Variants in PPARGC1A observed in about 807,000 individuals in gnomAD.
PPARGC1A encodes the protein PPARG coactivator 1 alpha.
Under a neutral mutation model 88.7 loss-of-function variants are expected in PPARGC1A, and 25 were observed. The ratio of observed to expected loss-of-function variants is 0.28; its 90% CI spans 0.21 to 0.39. The LOEUF (loss-of-function observed/expected upper bound fraction) is 0.39. Among genes scored for constraint, PPARGC1A ranks in the 10% least tolerant of loss-of-function variants. The pLI is 1.00. For missense variants in PPARGC1A, 880 were observed against 968.7 expected, an observed-to-expected ratio of 0.91 and a Z score of 1.22; for synonymous variants, 363 against 355.6, an observed-to-expected ratio of 1.02 and a Z score of -0.24.
the PPARGC1A span, among the ~76,000 whole-genome samples, chr4:24,159,206 C>CTTTTT: frequency 2.8e-4 from 31 of 109,852 alleles, no homozygotes; most frequent in Middle Eastern, 6.0e-3. Flanking sequence ...GGAAATTAAC[C>CTTTTT]TTTTTTTTTT....
chr4:24,008,487 G>T, the PPARGC1A span, among the ~76,000 whole-genome samples: 1 of 152,244 alleles, frequency 6.6e-6, no homozygotes, highest in Non-Finnish European at 1.5e-5. Flanking sequence ...AAGTCTCAGT[G>T]TAAAAATGCT....
chr4:24,130,744 G>C, the PPARGC1A span, among the ~76,000 whole-genome samples: 1 of 152,010 alleles, frequency 6.6e-6, no homozygotes, highest in South Asian at 2.1e-4. Flanking sequence ...CTAACATTTG[G>C]TGCTTCTATA....
the PPARGC1A span, among the ~76,000 whole-genome samples, chr4:24,448,558 C>T: frequency 1.3e-5 from 2 of 152,222 alleles, no homozygotes; most frequent in Non-Finnish European, 2.9e-5. Flanking sequence ...AAACTCCTCA[C>T]ATCACCCACA....
chr4:24,038,781 A>G, the PPARGC1A span, among the ~76,000 whole-genome samples: 1 of 152,128 alleles, frequency 6.6e-6, no homozygotes, highest in East Asian at 1.9e-4. Context: ...TTTAATTTCT[A>G]TTTAAACTTT....
At chr4:23,995,866 T>C in the PPARGC1A span, among the ~76,000 whole-genome samples, 1 of 152,206 alleles carries the variant, frequency 6.6e-6, no homozygotes, top group African/African-American at 2.4e-5. Context: ...TATATGTTCA[T>C]TGATTAGCTG....
chr4:24,430,832 T>C, the PPARGC1A span, among the ~76,000 whole-genome samples: 1 of 151,698 alleles, frequency 6.6e-6, no homozygotes, highest in Middle Eastern at 3.4e-3. Context: ...AGACAGAAAG[T>C]AGGGGCCGGG....
chr4:24,337,963 G>A, the PPARGC1A span, among the ~76,000 whole-genome samples: 228 of 152,216 alleles, frequency 1.5e-3, 1 homozygote, highest in African/African-American at 5.2e-3. Flanking sequence ...TCCTGCAGGG[G>A]TGGCTTTCCT....
At chr4:23,880,997 A>T (rs1406987011) in intron 2 of PPARGC1A, 1 of 152,208 alleles carries the variant, frequency 6.6e-6, no homozygotes. Flanking sequence ...GCAGGTGTTA[A>T]AATAAACCAG....
intron 1 of PPARGC1A, chr4:23,889,512 A>C (rs1717484015): frequency 1.2e-5 from 5 of 416,486 alleles, no homozygotes; most frequent in Non-Finnish European, 1.6e-5. Flanking sequence ...TAATATTTTT[A>C]TCTTCGTCTT....
chr4:23,880,134 C>A (rs1715630461), intron 2 of PPARGC1A: 1 of 152,162 alleles, frequency 6.6e-6, no homozygotes, highest in Non-Finnish European at 1.5e-5. Flanking sequence ...TATGTAGGTA[C>A]ATACACATAT....
At chr4:23,924,489 G>A in the PPARGC1A span, among the ~76,000 whole-genome samples, 2 of 152,072 alleles carry the variant, frequency 1.3e-5, no homozygotes, top group South Asian at 2.1e-4. Flanking sequence ...AGCTGGGCAT[G>A]GTGGTGCCTG....
At chr4:23,917,525 G>A in the PPARGC1A span, among the ~76,000 whole-genome samples, 15 of 150,584 alleles carry the variant, frequency 1.0e-4, no homozygotes, top group African/African-American at 2.4e-4. Flanking sequence ...GGGTTTCACC[G>A]TGTTAGCCAG....
the PPARGC1A span, among the ~76,000 whole-genome samples, chr4:24,373,011 G>A: frequency 6.6e-6 from 1 of 152,152 alleles, no homozygotes; most frequent in Non-Finnish European, 1.5e-5. Context: ...TCAGAGCTCT[G>A]ACTCCCTGCC....
chr4:24,266,971 T>C, the PPARGC1A span, among the ~76,000 whole-genome samples: 32,822 of 152,164 alleles, frequency 0.22, 4,801 homozygotes, highest in Non-Finnish European at 0.32. Flanking sequence ...TTTTTTCCCT[T>C]GTTCAACCAG....
At chr4:23,808,875 A>G (rs140408051) in intron 10 of PPARGC1A, among the ~76,000 whole-genome samples, 6 of 152,344 alleles carry the variant, frequency 3.9e-5, no homozygotes, top group African/African-American at 1.2e-4. Context: ...ATGGAACTCA[A>G]AATAGAAGTA....
At chr4:24,394,293 T>A in the PPARGC1A span, among the ~76,000 whole-genome samples, 1 of 152,158 alleles carries the variant, frequency 6.6e-6, no homozygotes, top group East Asian at 1.9e-4. Flanking sequence ...TGAGTCATTA[T>A]CCCACACTCT....
At chr4:24,291,040 C>A in the PPARGC1A span, among the ~76,000 whole-genome samples, 39,873 of 152,080 alleles carry the variant, frequency 0.26, 5,625 homozygotes, top group Middle Eastern at 0.34. Flanking sequence ...CACCCCTCCT[C>A]TCTGGTTAGC....
the PPARGC1A span, among the ~76,000 whole-genome samples, chr4:24,126,234 T>C: frequency 6.6e-6 from 1 of 150,466 alleles, no homozygotes; most frequent in African/African-American, 2.4e-5. Flanking sequence ...GCTGAAATCG[T>C]AATTTAAATC....
the PPARGC1A span, among the ~76,000 whole-genome samples, chr4:24,271,182 G>A: frequency 6.6e-6 from 1 of 152,116 alleles, no homozygotes; most frequent in African/African-American, 2.4e-5. Flanking sequence ...GGTAGCAAGA[G>A]AGCATGCAGG....
Sources: allele counts gnomAD v4.1 joint callset (sites outside exome capture counted in the v4.1 genomes callset), GRCh38; gene constraint gnomAD v4.1.1; transcripts MANE v1.5; gene names NCBI Gene and HGNC (gene_info 2026-07-23, HGNC 2026-07-21).